Variants in FAM222B observed in about 807,000 individuals in gnomAD.
FAM222B encodes protein FAM222B.
Under a neutral mutation model 38.0 loss-of-function variants are expected in FAM222B, and 12 were observed. The ratio of observed to expected loss-of-function variants is 0.32; its 90% CI spans 0.20 to 0.51. The LOEUF (loss-of-function observed/expected upper bound fraction) is 0.51, where lower values mean the gene tolerates loss of function less well. Ranked by LOEUF, FAM222B falls within the 20% of genes least tolerant of loss-of-function variation. FAM222B has a pLI of 0.97. For missense variants in FAM222B, 716 were observed against 754.2 expected (o/e 0.95, Z 0.59); for synonymous variants, 329 against 317.2 (o/e 1.04, Z -0.40).
intron 1 of FAM222B, chr17:28,777,075 G>C (rs746570694): frequency 2.0e-5 from 3 of 152,220 alleles, no homozygotes; most frequent in Middle Eastern, 3.4e-3. Flanking sequence ...ATTGCTCAAA[G>C]GCCTTTTTCT....
intron 1 of FAM222B, among the ~76,000 whole-genome samples, chr17:28,771,013 CTT>C (rs56281104): frequency 1.2e-4 from 16 of 137,644 alleles, no homozygotes; most frequent in Non-Finnish European, 7.9e-5. Context: ...TATATTTTTT[CTT>C]TTTTTTTTTT....
Position 28,756,830 on chromosome 17 carries a change from C to G in FAM222B, c.*1440G>C, listed in dbSNP as rs1022027781. ...CTTCAGATCACTAGAGAATTTCTGG[C>G]TAACGAACAGTAGTGGATAGTGAAC... On this transcript the variant is annotated 3_prime_UTR_variant, in exon 3 of 3. Transcript: ENST00000581407. 2 of 152,052 alleles carry G rather than the reference C, an allele frequency of 1.3e-5. No individual in the cohort carries two copies. Among genetic ancestry groups the G allele is most frequent in the African/African-American group, 4.9e-5 (2 of 41,214 alleles). 9.4% of individuals were successfully genotyped at this position (152,052 alleles called of 1,614,324 possible).
chr17:28,838,223 C>T (rs933375513), intron 1 of FAM222B, among the ~76,000 whole-genome samples: 2 of 152,024 alleles, frequency 1.3e-5, no homozygotes, highest in Non-Finnish European at 2.9e-5. Flanking sequence ...GCAGAGGTTG[C>T]GCTGAGCCAA....
At chr17:28,826,107 T>C (rs1049518286) in intron 1 of FAM222B, among the ~76,000 whole-genome samples, 1 of 150,736 alleles carries the variant, frequency 6.6e-6, no homozygotes, top group East Asian at 2.0e-4. Context: ...TCTTGCTCTG[T>C]AGCCCAGGCT....
At chr17:28,781,003 C>G (rs1400492639) in intron 1 of FAM222B, among the ~76,000 whole-genome samples, 1 of 152,052 alleles carries the variant, frequency 6.6e-6, no homozygotes, top group Non-Finnish European at 1.5e-5. Context: ...AGAAATGACT[C>G]AACAGCAACA....
intron 1 of FAM222B, among the ~76,000 whole-genome samples, chr17:28,774,613 C>A (rs1012551108): frequency 2.6e-5 from 4 of 152,168 alleles, no homozygotes; most frequent in Non-Finnish European, 5.9e-5. Context: ...CTGCCCCCGA[C>A]CAGAAGAGGT....
chr17:28,783,321 G>A (rs897344114), intron 1 of FAM222B, among the ~76,000 whole-genome samples: 3 of 151,924 alleles, frequency 2.0e-5, no homozygotes, highest in Admixed American at 6.6e-5. Flanking sequence ...GAATATCCAC[G>A]GGTAAATGTC....
chr17:28,815,017 A>AC (rs1384995761), intron 1 of FAM222B, among the ~76,000 whole-genome samples: 8 of 129,712 alleles, frequency 6.2e-5, no homozygotes, highest in African/African-American at 1.8e-4. Flanking sequence ...CAGGTGATCC[A>AC]CCCCCCTCGC....
At position 28,774,954 on chromosome 17, in the gene FAM222B, TTAAA is replaced by T. The variant is rs534458509; in HGVS notation, c.-40-8251_-40-8248del. ...GAGACTCCGTCTCAAAATAAATAAA[TTAAA>T]TAAATAAATAAATAAATAAAACAAA... On this transcript the variant is annotated intron_variant, in intron 1 of 2. Coordinates refer to ENST00000581407, the MANE Select transcript of FAM222B (RefSeq NM_001077498.3). 8.9e-4 allele frequency among the ~76,000 whole-genome samples: 132 copies of T among 148,936 alleles called. 1 individual carries two copies. Among genetic ancestry groups the T allele is most frequent in the South Asian group, 3.4e-3 (16 of 4,708 alleles).
At chr17:28,846,916 G>A (rs551361580), upstream of FAM222B, among the ~76,000 whole-genome samples, 1 of 151,994 alleles carries the variant, frequency 6.6e-6, no homozygotes, top group Non-Finnish European at 1.5e-5. Context: ...GTGAGACTCT[G>A]TCTCTGCAAA....
chr17:28,815,020 C>G (rs531950031), intron 1 of FAM222B, among the ~76,000 whole-genome samples: 2 of 146,326 alleles, frequency 1.4e-5, no homozygotes, highest in South Asian at 4.4e-4. Context: ...GTGATCCACC[C>G]CCCTCGCCTC....
intron 1 of FAM222B, among the ~76,000 whole-genome samples, chr17:28,781,676 T>C (rs1265126459): frequency 1.3e-5 from 2 of 152,182 alleles, no homozygotes; most frequent in Non-Finnish European, 2.9e-5. Context: ...AGAAAATGTA[T>C]ATAAACACAA....
intron 1 of FAM222B, among the ~76,000 whole-genome samples, chr17:28,790,915 T>TA (rs2036651581): frequency 3.3e-5 from 4 of 121,088 alleles, no homozygotes; most frequent in East Asian, 2.3e-4. Context: ...TTTTTTTTTT[T>TA]AGAGACAGAA....
intron 1 of FAM222B, among the ~76,000 whole-genome samples, chr17:28,840,698 T>A (rs1310899974): frequency 2.0e-5 from 3 of 152,170 alleles, no homozygotes; most frequent in Non-Finnish European, 4.4e-5. Context: ...GGTTCACGCC[T>A]GTAATCCCAG....
chr17:28,802,938 C>T (rs1210313397), intron 1 of FAM222B: 2 of 152,132 alleles, frequency 1.3e-5, no homozygotes, highest in Admixed American at 6.5e-5. Context: ...GCCAACAGCT[C>T]TGATTATTAG....
chr17:28,822,732 G>A (rs1490612693), intron 1 of FAM222B, among the ~76,000 whole-genome samples: 1 of 142,270 alleles, frequency 7.0e-6, no homozygotes, highest in Middle Eastern at 3.6e-3. Context: ...AAACCCAGGA[G>A]GTGGAGATTG....
Position 28,847,884 on chromosome 17 carries a change from G to A in FAM222B, c.-41+7066C>T, listed in dbSNP as rs1285168920. 1.1e-4 allele frequency among the ~76,000 whole-genome samples: 16 copies of A among 150,868 alleles called. 1 individual carries two copies. Among genetic ancestry groups the A allele is most frequent in the Admixed American group, 9.9e-4 (15 of 15,108 alleles). ...AGCCGAGATAGCGCCACTGTACTCC[G>A]GCCTGGGCGAAAGAGCGAGACTCCG... On this transcript the variant is annotated intron_variant, in intron 1 of 2. Transcript: ENST00000577513.
intron 1 of FAM222B, among the ~76,000 whole-genome samples, chr17:28,826,744 CA>C (rs1255746519): frequency 2.0e-5 from 3 of 151,280 alleles, no homozygotes; most frequent in African/African-American, 7.3e-5. Context: ...ATGTAAGCTC[CA>C]TAACAGCAGG....
intron 2 of FAM222B, among the ~76,000 whole-genome samples, chr17:28,760,146 C>A (rs1466749689): frequency 1.3e-5 from 2 of 152,222 alleles, no homozygotes. Flanking sequence ...GAAGCAGGCA[C>A]TATCATCATT....
Sources: allele counts gnomAD v4.1 joint callset (sites outside exome capture counted in the v4.1 genomes callset), GRCh38; gene constraint gnomAD v4.1.1; transcripts MANE v1.5; gene names NCBI Gene and HGNC (gene_info 2026-07-23, HGNC 2026-07-21).